Variants in HADH observed in about 807,000 individuals in gnomAD.
HADH encodes hydroxyacyl-coenzyme A dehydrogenase, mitochondrial.
In HADH, 24 loss-of-function variants were observed where a neutral mutation model predicts 32.2. The ratio of observed to expected loss-of-function variants is 0.75; its 90% CI spans 0.54 to 1.05. The LOEUF is 1.05. Among genes scored for constraint, HADH ranks in the 50% least tolerant of loss-of-function variants. The pLI is 0.00. For synonymous variants in HADH, 139 were observed against 152.5 expected (o/e 0.91, Z 0.65); for missense variants, 350 against 397.1 (o/e 0.88, Z 1.01).
At chr4:108,019,708 G>A (rs781436064) in intron 4 of HADH, 42 bp downstream of exon 4, 3 of 1,611,928 alleles carry the variant, frequency 1.9e-6, no homozygotes, top group Admixed American at 3.3e-5. Flanking sequence ...CGCTCTGCCA[G>A]CTCTCTCAGT....
chr4:108,016,002 C>A (rs1735681414), intron 3 of HADH, among the ~76,000 whole-genome samples: 1 of 152,064 alleles, frequency 6.6e-6, no homozygotes, highest in Admixed American at 6.5e-5. Flanking sequence ...GAAGGGAATG[C>A]CTATAGACAG....
At chr4:107,995,830 G>T (rs892959509) in intron 1 of HADH, among the ~76,000 whole-genome samples, 1 of 152,092 alleles carries the variant, frequency 6.6e-6, no homozygotes, top group Non-Finnish European at 1.5e-5. Flanking sequence ...CATGGCAGGG[G>T]ATCCTCTGTG....
At chr4:108,002,854 A>G (rs1278532149) in intron 1 of HADH, among the ~76,000 whole-genome samples, 1 of 152,234 alleles carries the variant, frequency 6.6e-6, no homozygotes, top group African/African-American at 2.4e-5. Context: ...TAGGAATTTA[A>G]TGGCTCAGGA....
rs185966371 is a variant in HADH at position 108,001,648 on chromosome 4, A to G, written c.133-8111A>G. On this transcript the variant is annotated intron_variant, in intron 1 of 7. Transcript: ENST00000309522. ...GATAGTACCAAATCCTATACATACTATGTCTTTTTGATCTGATAACCCAGT... is the reference window on the plus strand; with the variant it reads ...GATAGTACCAAATCCTATACATACTGTGTCTTTTTGATCTGATAACCCAGT... 2.0e-5 allele frequency among the ~76,000 whole-genome samples: 3 copies of G among 152,318 alleles called. No individual in the cohort carries two copies. In the East Asian group the frequency reaches 5.8e-4, roughly 29 times the overall value.
At chr4:108,032,835 A>G (rs1736321321) in intron 6 of HADH, 2 of 359,814 alleles carry the variant, frequency 5.6e-6, no homozygotes, top group Non-Finnish European at 1.1e-5. Flanking sequence ...TATAAATATT[A>G]GCCTTGTGTG....
chr4:108,033,240 A>G lies in HADH; in HGVS notation c.774A>G (p.Pro258=), dbSNP rs774369587. 5.0e-6 allele frequency: 8 copies of G among 1,609,630 alleles called. 1 individual carries two copies. The South Asian group carries it at 8.8e-5, about 18-fold the overall frequency. The change falls in exon 7 of 8, where the codon CCA becomes CCG. Residue 258 remains proline (P), a synonymous_variant. Coordinates refer to ENST00000309522, the MANE Select transcript of HADH (RefSeq NM_005327.7). The stretch of plus-strand genomic sequence containing the variant: ...TAGGAGCCGGTTACCCCATGGGCCC[A>G]TTTGAGCTTCTAGATTATGTCGGAC... ...MKLGAGYPMG[P]FELLDYVGLD... is the part of the protein sequence containing the mutation.
chr4:108,008,149 G>T (rs192260084), intron 1 of HADH, among the ~76,000 whole-genome samples: 1 of 152,314 alleles, frequency 6.6e-6, no homozygotes, highest in East Asian at 1.9e-4. Flanking sequence ...ATTGATGAGG[G>T]TTTTGCTTTT....
Position 108,034,219 on chromosome 4 carries a change from C to T in HADH, c.827-20C>T. The T allele has an allele frequency of 6.8e-7, 1 of 1,462,184 alleles. No homozygotes were observed. Among genetic ancestry groups the T allele is most frequent in the South Asian group, 1.1e-5 (1 of 87,968 alleles). The allele number at this position is 1,462,184 out of a possible 1,614,324, so 90.6% of individuals were successfully genotyped here. A position where few individuals can be genotyped will look rare whatever the true frequency, so the allele number is the denominator to read the frequency against. ...TAAACCCAGCACTTCATCCTGAGTTCTCTTCCCTCCGCTCAATAGGGTGGC... is the reference window on the plus strand; with the variant it reads ...TAAACCCAGCACTTCATCCTGAGTTTTCTTCCCTCCGCTCAATAGGGTGGC... On this transcript the variant is annotated intron_variant, in intron 7 of 7. Coordinates refer to ENST00000309522, the MANE Select transcript of HADH (RefSeq NM_005327.7).
At chr4:108,034,159 C>T (rs1281885149) in intron 7 of HADH, 80 bp from the exon 8 acceptor site, 4 of 989,568 alleles carry the variant, frequency 4.0e-6, no homozygotes, top group Admixed American at 3.4e-5. Flanking sequence ...AGGCAGGCCT[C>T]CAGACTTGTC....
At chr4:108,029,177 C>G (rs575989011) in intron 6 of HADH, 270 of 321,796 alleles carry the variant, frequency 8.4e-4, no homozygotes, top group African/African-American at 5.4e-3. Context: ...CCCCGCCCAC[C>G]ACCTGCTCCC....
chr4:108,024,031 C>T (rs546173239), intron 5 of HADH: 6 of 157,218 alleles, frequency 3.8e-5, no homozygotes, highest in Non-Finnish European at 8.5e-5. Flanking sequence ...TGTTTCTCAC[C>T]GGGAAGTTGC....
At chr4:108,028,649 TCAAAC>T (rs965859887) in intron 6 of HADH, 3 of 388,728 alleles carry the variant, frequency 7.7e-6, no homozygotes, top group African/African-American at 6.2e-5. Context: ...TGCTCCAAGA[TCAAAC>T]CAACAGTTCT....
intron 1 of HADH, 32 bp downstream of exon 1, chr4:107,990,096 G>C: frequency 1.3e-6 from 2 of 1,584,988 alleles, no homozygotes; most frequent in Non-Finnish European, 1.7e-6. Context: ...GTGCCCACGC[G>C]CTTGGCCGCC....
intron 3 of HADH, among the ~76,000 whole-genome samples, chr4:108,018,168 T>G (rs1413829796): frequency 2.0e-5 from 3 of 152,142 alleles, no homozygotes; most frequent in African/African-American, 7.2e-5. Flanking sequence ...AAAATAACAC[T>G]TTCTTTTCTT....
rs545890644 is a variant in HADH, at chr4:108,014,744, A to G, written c.419+156A>G. On this transcript the variant is annotated intron_variant, in intron 3 of 7. Transcript: ENST00000309522. The stretch of plus-strand genomic sequence containing the variant: ...TGAAGTCTGGGCTTTTAGTATACCC[A>G]TCACCCACATAGTGAACACTGTACC... Among the ~76,000 whole-genome samples, 4 of 151,946 alleles carry G rather than the reference A, an allele frequency of 2.6e-5. No homozygotes were observed. In the South Asian group the frequency reaches 8.3e-4, roughly 32 times the overall value.
intron 4 of HADH, among the ~76,000 whole-genome samples, chr4:108,019,913 A>T (rs939985390): frequency 6.6e-6 from 1 of 152,194 alleles, no homozygotes; most frequent in Non-Finnish European, 1.5e-5. Flanking sequence ...TTTGTGCCAG[A>T]GCTGATGGGC....
chr4:107,991,308 C>T (rs1199348724), intron 1 of HADH, among the ~76,000 whole-genome samples: 1 of 152,160 alleles, frequency 6.6e-6, no homozygotes, highest in Admixed American at 6.5e-5. Context: ...GGGGACAGTA[C>T]TACTGTGGCT....
At chr4:108,013,720 A>G (rs1208153782) in intron 2 of HADH, among the ~76,000 whole-genome samples, 1 of 152,198 alleles carries the variant, frequency 6.6e-6, no homozygotes, top group Non-Finnish European at 1.5e-5. Context: ...ATAATAGGGG[A>G]AAAATATATA....
intron 1 of HADH, among the ~76,000 whole-genome samples, chr4:108,008,189 G>T (rs184092852): frequency 9.8e-5 from 15 of 152,300 alleles, no homozygotes; most frequent in Admixed American, 4.6e-4. Context: ...CTGCCTGCCC[G>T]CAGCCTGTGG....
Sources: gnomAD v4.1 joint callset for allele counts (sites outside exome capture counted in the v4.1 genomes callset) on GRCh38, gnomAD v4.1.1 for gene constraint, MANE v1.5 for transcripts, NCBI Gene and HGNC (gene_info 2026-07-23, HGNC 2026-07-21) for gene names.